SHROOM3: variants seen among roughly 807,000 people sequenced by gnomAD.
SHROOM3 encodes the protein protein Shroom3.
A neutral mutation model predicts 138.6 loss-of-function variants in SHROOM3; 47 were observed. The ratio of observed to expected loss-of-function variants is 0.34; its 90% CI spans 0.27 to 0.43. The LOEUF (loss-of-function observed/expected upper bound fraction) is 0.43. SHROOM3 is among the 20% of genes least tolerant of loss of function. The probability of loss-of-function intolerance (pLI) is 1.00; values close to 1 mark genes in which losing one functional copy is unlikely to be tolerated. For missense variants in SHROOM3, 2,491 were observed against 2,596.5 expected (o/e 0.96, Z 0.88); for synonymous variants, 1,062 against 1,063.3 (o/e 1.00, Z 0.02).
At chr4:76,681,953 C>T (rs1476438999) in intron 2 of SHROOM3, among the ~76,000 whole-genome samples, 4 of 152,090 alleles carry the variant, frequency 2.6e-5, no homozygotes, top group African/African-American at 7.2e-5. Context: ...GGGCCCACAT[C>T]CTTTGTGCCC....
At chr4:76,465,323 G>A (rs1731228992) in intron 1 of SHROOM3, among the ~76,000 whole-genome samples, 1 of 152,204 alleles carries the variant, frequency 6.6e-6, no homozygotes, top group South Asian at 2.1e-4. Flanking sequence ...TTGTCAGACA[G>A]TTTCCAGCTG....
chr4:76,577,965 A>G (rs1357994778), intron 2 of SHROOM3, among the ~76,000 whole-genome samples: 2 of 152,092 alleles, frequency 1.3e-5, no homozygotes, highest in Admixed American at 6.6e-5. Flanking sequence ...TACTGTGTTC[A>G]TTGTTTTTTT....
chr4:76,569,994 T>C (rs1280725867), intron 2 of SHROOM3, among the ~76,000 whole-genome samples: 5 of 152,204 alleles, frequency 3.3e-5, no homozygotes, highest in East Asian at 3.8e-4. Flanking sequence ...TCCGTGGTTA[T>C]TCTTCAAAGT....
At position 76,779,863 on chromosome 4, in the gene SHROOM3, G is replaced by A. The variant is rs1460540228; in HGVS notation, c.*686G>A. 2.0e-5 allele frequency: 3 copies of A among 152,710 alleles called. No homozygotes were observed. The highest frequency in any genetic ancestry group is 2.9e-5 in the Non-Finnish European group (2 of 68,150). 9.5% of individuals were successfully genotyped at this position (152,710 alleles called of 1,614,324 possible). A position where few individuals can be genotyped will look rare whatever the true frequency, so the allele number is the denominator to read the frequency against. On this transcript the variant is annotated 3_prime_UTR_variant, in exon 11 of 11. Coordinates refer to ENST00000296043, the MANE Select transcript of SHROOM3 (RefSeq NM_020859.4). ...TTACCAACACGAGCAGGCATTCTGC[G>A]CTTCCACTGGACTGAGTATGGGGGA...
chr4:76,675,091 G>C (rs181245575), intron 2 of SHROOM3, among the ~76,000 whole-genome samples: 2 of 152,312 alleles, frequency 1.3e-5, no homozygotes, highest in African/African-American at 4.8e-5. Context: ...GGTTCTGTCA[G>C]ATTTATTCAT....
At chr4:76,750,175 T>C (rs1029286991) in intron 6 of SHROOM3, among the ~76,000 whole-genome samples, 1 of 152,116 alleles carries the variant, frequency 6.6e-6, no homozygotes, top group Non-Finnish European at 1.5e-5. Flanking sequence ...CAAGGTGAGG[T>C]TGAGGACTTT....
intron 1 of SHROOM3, among the ~76,000 whole-genome samples, chr4:76,487,959 A>G (rs777384196): frequency 1.3e-5 from 2 of 152,188 alleles, no homozygotes; most frequent in Non-Finnish European, 2.9e-5. Context: ...AAGTATTTTT[A>G]TAGTCTTTAG....
At chr4:76,571,232 A>C (rs1265755719) in intron 2 of SHROOM3, among the ~76,000 whole-genome samples, 1 of 152,220 alleles carries the variant, frequency 6.6e-6, no homozygotes, top group African/African-American at 2.4e-5. Flanking sequence ...AAGGGGATAC[A>C]TGTGTTAAGT....
At chr4:76,681,455 T>TA (rs535374678) in intron 2 of SHROOM3, among the ~76,000 whole-genome samples, 248 of 144,914 alleles carry the variant, frequency 1.7e-3, no homozygotes, top group East Asian at 5.0e-3. Context: ...ACTGTTTCTT[T>TA]AAAAAAAAAA....
chr4:76,689,809 T>C, intron 2 of SHROOM3: 4 of 951,110 alleles, frequency 4.2e-6, no homozygotes, highest in Non-Finnish European at 5.0e-6. Context: ...AAGCCCTGTC[T>C]GGAGGATGGC....
At position 76,754,866 on chromosome 4, in the gene SHROOM3, G is replaced by T; in HGVS notation, c.4383G>T (p.Gln1461His). ...FANLKHYQKQ[Q>H]SLPSLCSTSD... is the part of the protein sequence containing the mutation. Reference sequence around the variant, plus strand: ...ACCTGAAGCACTATCAAAAACAGCAGAGTCTTCCAAGTTTATGCAGCACTT... The same window carrying T: ...ACCTGAAGCACTATCAAAAACAGCATAGTCTTCCAAGTTTATGCAGCACTT... Residue 1461 changes from glutamine (Q) to histidine (H), a missense_variant, in exon 7 of 11, where the codon CAG becomes CAT. By Grantham distance (24) the Gln-to-His change is conservative. Around this residue, in one of 4 missense-constraint regions of SHROOM3, gnomAD observed 1,733 missense variants for 1,661.6 expected, o/e 1.04. Coordinates refer to ENST00000296043, the MANE Select transcript of SHROOM3 (RefSeq NM_020859.4). 6.2e-7 allele frequency: 1 copy of T among 1,614,192 alleles called. No individual in the cohort carries two copies. Among genetic ancestry groups the T allele is most frequent in the Non-Finnish European group, 8.5e-7 (1 of 1,180,024 alleles).
chr4:76,738,439 C>G (rs1010008453), intron 4 of SHROOM3, among the ~76,000 whole-genome samples: 3 of 152,204 alleles, frequency 2.0e-5, no homozygotes, highest in Non-Finnish European at 4.4e-5. Context: ...TTGGCACATG[C>G]AAAATGTCAT....
intron 2 of SHROOM3, among the ~76,000 whole-genome samples, chr4:76,626,212 A>C (rs1421604193): frequency 6.6e-6 from 1 of 152,218 alleles, no homozygotes; most frequent in African/African-American, 2.4e-5. Flanking sequence ...ATCAAAAGAA[A>C]GGAAAATCAC....
In SHROOM3 at chr4:76,739,516, C is replaced by T; in HGVS notation, c.1343C>T (p.Pro448Leu). Residue 448 changes from proline to leucine, a missense_variant, in exon 5 of 11, where the codon CCC (proline) becomes CTC (leucine). By Grantham distance (98) the Pro-to-Leu change is moderately conservative. This residue lies in a region of SHROOM3 where 1,733 missense variants were observed against 1,661.6 expected (regional missense o/e 1.04). Transcript: ENST00000296043. ...CCAGAGAACAGCCCCCCAGTGAAGCCCAAGCATAACTATACCCAGAAGGCC... is the reference window on the plus strand; with the variant it reads ...CCAGAGAACAGCCCCCCAGTGAAGCTCAAGCATAACTATACCCAGAAGGCC... The part of the protein sequence containing the change: ...KSPENSPPVK[P>L]KHNYTQKAQP... 6.2e-7 allele frequency: 1 copy of T among 1,614,070 alleles called. No individual in the cohort carries two copies. Among genetic ancestry groups the T allele is most frequent in the Non-Finnish European group, 8.5e-7 (1 of 1,179,950 alleles).
intron 1 of SHROOM3, among the ~76,000 whole-genome samples, chr4:76,469,541 C>T (rs1422942619): frequency 6.6e-6 from 1 of 152,088 alleles, no homozygotes; most frequent in Non-Finnish European, 1.5e-5. Context: ...ACTGCAACCT[C>T]TGCCTCCCAG....
chr4:76,649,471 C>T (rs1276083111), intron 2 of SHROOM3, among the ~76,000 whole-genome samples: 2 of 152,164 alleles, frequency 1.3e-5, no homozygotes, highest in African/African-American at 4.8e-5. Context: ...AGCCTTTTCC[C>T]TGGATCCTAG....
chr4:76,578,094 AAAG>A (rs1271963826), intron 2 of SHROOM3, among the ~76,000 whole-genome samples: 4 of 152,218 alleles, frequency 2.6e-5, no homozygotes, highest in African/African-American at 4.8e-5. Context: ...CTGGTTAAGA[AAAG>A]AAGGTTATCA....
chr4:76,451,985 C>T (rs962074335), intron 1 of SHROOM3, among the ~76,000 whole-genome samples: 7 of 152,066 alleles, frequency 4.6e-5, no homozygotes, highest in East Asian at 3.9e-4. Context: ...GGACTATAGG[C>T]GTGCGCCACC....
At chr4:76,612,103 C>T (rs1734776275) in intron 2 of SHROOM3, among the ~76,000 whole-genome samples, 1 of 152,154 alleles carries the variant, frequency 6.6e-6, no homozygotes, top group South Asian at 2.1e-4. Context: ...TACTCTAAAC[C>T]CGCTCAGAGG....
Sources: allele counts gnomAD v4.1 joint callset (sites outside exome capture counted in the v4.1 genomes callset), GRCh38; gene constraint gnomAD v4.1.1; regional missense constraint gnomAD v4.1.1; transcripts MANE v1.5; gene names NCBI Gene and HGNC (gene_info 2026-07-23, HGNC 2026-07-21).